PRKAA1: variants seen among roughly 807,000 people sequenced by gnomAD.
The protein encoded by PRKAA1 is protein kinase AMP-activated catalytic subunit alpha 1, also known as 5'-AMP-activated protein kinase catalytic subunit alpha-1.
Under a neutral mutation model 56.9 loss-of-function variants are expected in PRKAA1, and 23 were observed. That is an observed-to-expected ratio of 0.40 (90% CI 0.29 to 0.57). PRKAA1 has a LOEUF of 0.57. Among genes scored for constraint, PRKAA1 ranks in the 20% least tolerant of loss-of-function variants. The pLI is 0.39. For missense variants in PRKAA1, 413 were observed against 679.7 expected (o/e 0.61, Z 4.36); for synonymous variants, 226 against 227.0 (o/e 1.00, Z 0.04).
intron 5 of PRKAA1, 139 bp from the exon 6 acceptor site, chr5:40,767,829 G>T (rs767419216): frequency 2.9e-6 from 2 of 700,562 alleles, no homozygotes; most frequent in Non-Finnish European, 4.7e-6. Flanking sequence ...ATGTTACAAC[G>T]TTAATTCCAT....
intron 8 of PRKAA1, 129 bp from the exon 9 acceptor site, chr5:40,763,151 C>T: frequency 1.2e-6 from 1 of 835,778 alleles, no homozygotes; most frequent in Non-Finnish European, 1.9e-6. Flanking sequence ...TTCTAAATAC[C>T]TTCTAAAACA....
intron 1 of PRKAA1, among the ~76,000 whole-genome samples, chr5:40,783,662 G>A (rs1744354954): frequency 6.6e-6 from 1 of 152,162 alleles, no homozygotes; most frequent in African/African-American, 2.4e-5. Context: ...AGGAGGCTGA[G>A]GCAGGAGAAT....
rs111398294 is a variant in PRKAA1, at chr5:40,779,074, T to C, written c.128-1488A>G. On this transcript the variant is annotated intron_variant, in intron 1 of 8. Coordinates refer to ENST00000397128, the MANE Select transcript of PRKAA1 (RefSeq NM_006251.6). ...TCAACTTCCCAAAGTGCTAGGATTA[T>C]AGGTGTGAGCCACCATGCCCAGCCT... Among the ~76,000 whole-genome samples the C allele has an allele frequency of 6.1e-3, 929 of 152,074 alleles. 13 individuals are homozygous for C. The highest frequency in any genetic ancestry group is 0.021 in the African/African-American group (879 of 41,486).
Position 40,764,582 on chromosome 5 carries a change from GA to G in PRKAA1, c.1366del (p.Ser456ProfsTer3). ...TTGGTATAACTGTAGACTCATTTTG[GA>G]GTAAGTGCTTGTCACAGGATTCTTC... ...RRKNPVTSTY[S>X]KMSLQLYQVD... On this transcript the variant is annotated frameshift_variant, in exon 8 of 9. Coordinates refer to ENST00000397128, the MANE Select transcript of PRKAA1 (RefSeq NM_006251.6). LOFTEE classifies it high-confidence loss of function. The G allele has an allele frequency of 6.2e-7, 1 of 1,613,544 alleles. No homozygotes were observed. Among genetic ancestry groups the G allele is most frequent in the Non-Finnish European group, 8.5e-7 (1 of 1,179,664 alleles).
At chr5:40,768,789 A>AT (rs1292814374) in intron 5 of PRKAA1, 2 of 1,398,858 alleles carry the variant, frequency 1.4e-6, no homozygotes, top group African/African-American at 3.0e-5. Context: ...TTTCAGTAGT[A>AT]TAGTGAAGGA....
At chr5:40,767,747 A>C (rs1743533405) in intron 5 of PRKAA1, 57 bp from the exon 6 acceptor site, 12 of 1,417,146 alleles carry the variant, frequency 8.5e-6, no homozygotes, top group Non-Finnish European at 1.1e-5. Context: ...GATTCAGTTC[A>C]TCAAAAACTT....
Position 40,777,436 on chromosome 5 carries a change from A to C in PRKAA1, c.269+9T>G. On this transcript the variant is annotated intron_variant, in intron 2 of 8. Coordinates refer to ENST00000397128, the MANE Select transcript of PRKAA1 (RefSeq NM_006251.6). ...TGACTGGACTATATTTAATATAAACAGAGCTTACAGTTTAATTATATGAGG... is the reference window on the plus strand; with the variant it reads ...TGACTGGACTATATTTAATATAAACCGAGCTTACAGTTTAATTATATGAGG... 6.2e-7 allele frequency: 1 copy of C among 1,601,256 alleles called. No individual in the cohort carries two copies. Among genetic ancestry groups the C allele is most frequent in the South Asian group, 1.1e-5 (1 of 89,666 alleles).
intron 1 of PRKAA1, among the ~76,000 whole-genome samples, 181 bp from the exon 2 acceptor site, chr5:40,777,767 C>G (rs1365910193): frequency 6.6e-6 from 1 of 151,272 alleles, no homozygotes; most frequent in African/African-American, 2.4e-5. Context: ...AACCCCATCT[C>G]TACTAAAAAA....
chr5:40,770,078 G>T (rs1224159710), intron 4 of PRKAA1, among the ~76,000 whole-genome samples: 1 of 149,450 alleles, frequency 6.7e-6, no homozygotes, highest in Non-Finnish European at 1.5e-5. Context: ...GGTTTGGTTG[G>T]CATTTTCCAG....
chr5:40,793,022 G>A (rs771842822), intron 1 of PRKAA1, among the ~76,000 whole-genome samples: 1 of 149,490 alleles, frequency 6.7e-6, no homozygotes, highest in East Asian at 2.0e-4. Context: ...AGCTGAGATC[G>A]CACCATTGCA....
rs1035027812 is a variant in PRKAA1, at chr5:40,763,755, G to A, written c.1436-733C>T. On this transcript the variant is annotated intron_variant, in intron 8 of 8. Transcript: ENST00000397128. ...TGCATTAGTATATGTTAGCAGATAC[G>A]TACTATATGGACCTAAAGATAACCA... 1.5e-4 allele frequency among the ~76,000 whole-genome samples: 23 copies of A among 152,276 alleles called. No individual in the cohort carries two copies. The East Asian group carries it at 1.5e-3, about 10-fold the overall frequency.
intron 2 of PRKAA1, chr5:40,776,876 C>T: frequency 6.6e-6 from 1 of 152,026 alleles, no homozygotes; most frequent in Non-Finnish European, 1.5e-5. Flanking sequence ...CAATGGGGCA[C>T]CAAACATTAC....
intron 3 of PRKAA1, chr5:40,774,985 A>T: frequency 6.3e-7 from 1 of 1,586,674 alleles, no homozygotes; most frequent in African/African-American, 1.3e-5. Context: ...GAAACCAAAA[A>T]ATGAATGCAA....
chr5:40,768,162 GT>G (rs1743556628), intron 5 of PRKAA1, among the ~76,000 whole-genome samples: 1 of 152,164 alleles, frequency 6.6e-6, no homozygotes, highest in Non-Finnish European at 1.5e-5. Context: ...TTTAAATCCC[GT>G]TTGCAGTGCA....
intron 1 of PRKAA1, among the ~76,000 whole-genome samples, chr5:40,777,890 T>C (rs1293090684): frequency 1.3e-5 from 2 of 152,136 alleles, no homozygotes; most frequent in Non-Finnish European, 2.9e-5. Flanking sequence ...CCGGCTAACA[T>C]GGTGAAACCC....
chr5:40,797,978 G>A, intron 1 of PRKAA1, 85 bp downstream of exon 1: 1 of 1,545,088 alleles, frequency 6.5e-7, no homozygotes, highest in Non-Finnish European at 8.8e-7. Context: ...GGGACGCAGC[G>A]GGCGGGGGAG....
chr5:40,760,241 C>G lies in PRKAA1; in HGVS notation c.*2537G>C, dbSNP rs1228457710. 1 of 152,630 alleles carries G rather than the reference C, an allele frequency of 6.6e-6. No individual in the cohort carries two copies. Among genetic ancestry groups the G allele is most frequent in the African/African-American group, 2.4e-5 (1 of 41,406 alleles). The allele number at this position is 152,630 out of a possible 1,614,324, so 9.5% of individuals were successfully genotyped here. On this transcript the variant is annotated 3_prime_UTR_variant, in exon 9 of 9. Transcript: ENST00000397128. ...AAGGTTGTCATTTCAAATATCCTAG[C>G]TTAAAAAAGAATTTACTGCAATTGT...
At position 40,798,088 on chromosome 5, in the gene PRKAA1, C is replaced by T. The variant is rs2112121963; in HGVS notation, c.102G>A (p.Gly34=). 6.2e-7 allele frequency: 1 copy of T among 1,609,996 alleles called. No homozygotes were observed. Among genetic ancestry groups the T allele is most frequent in the South Asian group, 1.1e-5 (1 of 90,996 alleles). The change falls in exon 1 of 9, where the codon GGG becomes GGA. Residue 34 remains glycine (G), a synonymous_variant. Transcript: ENST00000397128. ...CCTTCACTTTGCCGAAGGTGCCGAC[C>T]CCCAGCGTGTCACCCAGAATGTAGT... ...IGHYILGDTL[G]VGTFGKVKVG...
intron 1 of PRKAA1, among the ~76,000 whole-genome samples, chr5:40,783,334 T>C (rs535491102): frequency 1.3e-5 from 2 of 149,148 alleles, no homozygotes; most frequent in South Asian, 2.1e-4. Context: ...AAAAAAATTA[T>C]ATATGCATTT....
Sources: gnomAD v4.1 joint callset for allele counts (sites outside exome capture counted in the v4.1 genomes callset) on GRCh38, gnomAD v4.1.1 for gene constraint, MANE v1.5 for transcripts, NCBI Gene and HGNC (gene_info 2026-07-23, HGNC 2026-07-21) for gene names.